Variants in F2 observed in about 807,000 individuals in gnomAD.
F2 encodes the protein prothrombin.
Under a neutral mutation model 81.9 loss-of-function variants are expected in F2, and 34 were observed. The ratio of observed to expected loss-of-function variants is 0.42; its 90% CI spans 0.32 to 0.55. The LOEUF is 0.55. Ranked by LOEUF, F2 falls within the 20% of genes least tolerant of loss-of-function variation. The pLI is 0.18. For synonymous variants in F2, 296 were observed against 326.4 expected, an observed-to-expected ratio of 0.91 and a Z score of 1.01; for missense variants, 630 against 833.4, an observed-to-expected ratio of 0.76 and a Z score of 3.00.
At chr11:46,727,223 T>G (rs968194969) in intron 9 of F2, among the ~76,000 whole-genome samples, 1 of 152,050 alleles carries the variant, frequency 6.6e-6, no homozygotes, top group Admixed American at 6.5e-5. Flanking sequence ...GGTTTCACCA[T>G]GTTGGCCAGG....
Position 46,719,684 on chromosome 11 carries a change from C to T in F2, c.80-18C>T, listed in dbSNP as rs570442167. ...GTTCCTGAGGCCGCTGTCCCATGAC[C>T]CCCCCACCGCCTTACAGTGTTCCTG... On this transcript the variant is annotated intron_variant, in intron 1 of 13. Transcript: ENST00000311907. The surrounding 1 kb of genome is among the most constrained non-coding windows in gnomAD (Gnocchi z 4.7). 23 of 1,579,100 alleles carry T rather than the reference C, an allele frequency of 1.5e-5. No individual in the cohort carries two copies. The highest frequency in any genetic ancestry group is 2.3e-5 in the East Asian group (1 of 43,216).
chr11:46,733,063 C>G (rs960013286), intron 12 of F2, among the ~76,000 whole-genome samples: 1 of 152,124 alleles, frequency 6.6e-6, no homozygotes, highest in African/African-American at 2.4e-5. Context: ...TATAAAAAAC[C>G]ATGAGTTCCT....
intron 6 of F2, among the ~76,000 whole-genome samples, chr11:46,725,270 T>C (rs1375339174): frequency 6.6e-6 from 1 of 151,982 alleles, no homozygotes; most frequent in Non-Finnish European, 1.5e-5. Context: ...GGTTTCTTCA[T>C]GTTGGCCTGG....
chr11:46,720,462 T>C (rs1309059290), intron 2 of F2, 61 bp from the exon 3 acceptor site: 1 of 1,600,314 alleles, frequency 6.2e-7, no homozygotes, highest in Non-Finnish European at 8.6e-7. Context: ...AGACATAACA[T>C]TTACTAAAAC....
Position 46,719,861 on chromosome 11 carries a change from C to T in F2, c.239C>T (p.Thr80Met), listed in dbSNP as rs765847453. 7.0e-6 allele frequency: 11 copies of T among 1,563,336 alleles called. No individual in the cohort carries two copies. Among genetic ancestry groups the T allele is most frequent in the African/African-American group, 6.8e-5 (5 of 73,772 alleles). Residue 80 changes from threonine (T) to methionine (M), a missense_variant and splice_region_variant, in exon 2 of 14, where the codon ACG (threonine) becomes ATG (methionine). Coordinates refer to ENST00000311907, the MANE Select transcript of F2 (RefSeq NM_000506.5). This position sits in a 1 kb window ranked among gnomAD's most constrained non-coding sequence, Gnocchi z 4.7. ...GAGGCTCTGGAGTCCTCCACGGCTA[C>T]GGTGAGCCTGGGCTGCTCGGACGGT... Reference protein sequence around the residue: ...AFEALESSTATDVFWAKYTAC... With the variant: ...AFEALESSTAMDVFWAKYTAC...
In F2 at chr11:46,719,563, C is replaced by T. The variant is rs974089914; in HGVS notation, c.80-139C>T. On this transcript the variant is annotated intron_variant, in intron 1 of 13. Coordinates refer to ENST00000311907, the MANE Select transcript of F2 (RefSeq NM_000506.5). The surrounding 1 kb of genome is among the most constrained non-coding windows in gnomAD (Gnocchi z 4.7). ...GGGCACAGGGGGCCACATTTAGCAG[C>T]CTTCCAGGCACTTCCACCAGCCCAG... is the stretch of plus-strand genomic sequence containing the variant. The T allele has an allele frequency of 1.7e-6, 2 of 1,201,288 alleles. No homozygotes were observed. The highest frequency in any genetic ancestry group is 3.0e-5 in the African/African-American group (2 of 66,528). 74.4% of individuals were successfully genotyped at this position (1,201,288 alleles called of 1,614,324 possible). A position where few individuals can be genotyped will look rare whatever the true frequency, so the allele number is the denominator to read the frequency against.
chr11:46,737,968 C>A (rs1412820986), intron 12 of F2, among the ~76,000 whole-genome samples: 5 of 151,792 alleles, frequency 3.3e-5, no homozygotes, highest in Non-Finnish European at 5.9e-5. Flanking sequence ...TCCCACGTAG[C>A]TAGGATCAGA....
At chr11:46,727,733 G>A (rs757664006) in intron 9 of F2, among the ~76,000 whole-genome samples, 3 of 152,100 alleles carry the variant, frequency 2.0e-5, no homozygotes, top group Non-Finnish European at 4.4e-5. Context: ...AGCTGTGACT[G>A]TACCATTGCA....
intron 9 of F2, among the ~76,000 whole-genome samples, chr11:46,727,516 C>T (rs991988122): frequency 1.3e-5 from 2 of 151,912 alleles, no homozygotes; most frequent in Admixed American, 1.3e-4. Flanking sequence ...AGTGGCTCAC[C>T]CCTGTAATCC....
intron 12 of F2, among the ~76,000 whole-genome samples, chr11:46,730,949 C>T (rs1365269766): frequency 2.0e-5 from 3 of 151,772 alleles, no homozygotes; most frequent in Admixed American, 6.6e-5. Flanking sequence ...GACATAGCTT[C>T]GCTGTCACCC....
At position 46,728,174 on chromosome 11, in the gene F2, G is replaced by C. The variant is rs144587241; in HGVS notation, c.1298+11G>C. ...GCACTCCCGCACCAGGTACAGAACT[G>C]GTGGCCCGTGGGTGTCTGGCAGGGG... On this transcript the variant is annotated intron_variant, in intron 10 of 13. Transcript: ENST00000311907. This position sits in a 1 kb window ranked among gnomAD's most constrained non-coding sequence, Gnocchi z 5.1. 3.6e-3 allele frequency: 5,835 copies of C among 1,603,656 alleles called. 16 individuals carry two copies. Among genetic ancestry groups the C allele is most frequent in the South Asian group, 4.6e-3 (404 of 88,504 alleles).
chr11:46,729,854 A>G (rs926532214), intron 12 of F2, among the ~76,000 whole-genome samples: 2 of 152,084 alleles, frequency 1.3e-5, no homozygotes, highest in African/African-American at 4.8e-5. Context: ...GCAAATATTT[A>G]TTGAGCGCCT....
intron 2 of F2, 163 bp downstream of exon 2, chr11:46,720,025 G>A (rs1405593018): frequency 5.2e-6 from 5 of 966,368 alleles, no homozygotes; most frequent in Non-Finnish European, 7.7e-6. Flanking sequence ...AGCGGCCTCA[G>A]CCTTTCCTGG....
chr11:46,733,352 C>G (rs147998356), intron 12 of F2, among the ~76,000 whole-genome samples: 209 of 152,248 alleles, frequency 1.4e-3, no homozygotes, highest in African/African-American at 4.4e-3. Context: ...TACAGGCACA[C>G]ACCACCATGC....
chr11:46,728,292 T>A lies in F2; in HGVS notation c.1298+129T>A. ...CCCCCAGAATATAACATCCCAGCAG[T>A]CTCTGCTGGAAAGCCCATTTGGTCA... On this transcript the variant is annotated intron_variant, in intron 10 of 13. Transcript: ENST00000311907. This position sits in a 1 kb window ranked among gnomAD's most constrained non-coding sequence, Gnocchi z 5.1. The A allele has an allele frequency of 2.8e-6, 3 of 1,083,146 alleles. No individual in the cohort carries two copies. The highest frequency in any genetic ancestry group is 4.1e-6 in the Non-Finnish European group (3 of 731,200). The allele number at this position is 1,083,146 out of a possible 1,614,324, so 67.1% of individuals were successfully genotyped here.
At chr11:46,730,966 G>C (rs2064907890) in intron 12 of F2, among the ~76,000 whole-genome samples, 1 of 151,712 alleles carries the variant, frequency 6.6e-6, no homozygotes, top group Non-Finnish European at 1.5e-5. Context: ...ACCCAGGCTT[G>C]AGTGCAGTGG....
At position 46,723,895 on chromosome 11, in the gene F2, A is replaced by G. The variant is rs560051612; in HGVS notation, c.559+377A>G. On this transcript the variant is annotated intron_variant, in intron 6 of 13. Coordinates refer to ENST00000311907, the MANE Select transcript of F2 (RefSeq NM_000506.5). This position sits in a 1 kb window ranked among gnomAD's most constrained non-coding sequence, Gnocchi z 5.6. ...ACAAGAGCAAAACTCTGTCTCAAAG[A>G]AAAAAAAAAGATGCTGGCCACCTTC... Among the ~76,000 whole-genome samples, 2 of 130,986 alleles carry G rather than the reference A, an allele frequency of 1.5e-5. No individual in the cohort carries two copies. Among genetic ancestry groups the G allele is most frequent in the East Asian group, 2.0e-4 (1 of 5,122 alleles). 85.9% of individuals were successfully genotyped at this position (130,986 alleles called of 152,430 possible). A position where few individuals can be genotyped will look rare whatever the true frequency, so the allele number is the denominator to read the frequency against.
rs561892477 is a variant in F2, at chr11:46,724,739, G to A, written c.560-1120G>A. Reference sequence around the variant, plus strand: ...TGTTTGTTCTCTAGGCATCCCTGTCGGGCCCATTGCTCATTCCTGGGGTTG... The same window carrying A: ...TGTTTGTTCTCTAGGCATCCCTGTCAGGCCCATTGCTCATTCCTGGGGTTG... On this transcript the variant is annotated intron_variant, in intron 6 of 13. Coordinates refer to ENST00000311907, the MANE Select transcript of F2 (RefSeq NM_000506.5). Among the ~76,000 whole-genome samples, 19 of 151,320 alleles carry A rather than the reference G, an allele frequency of 1.3e-4. No homozygotes were observed. In the East Asian group the frequency reaches 3.5e-3, roughly 28 times the overall value.
In F2 at chr11:46,728,731, C is replaced by T. The variant is rs139552841; in HGVS notation, c.1366C>T (p.Arg456Trp). The T allele has an allele frequency of 3.7e-6, 6 of 1,614,078 alleles. No homozygotes were observed. Among genetic ancestry groups the T allele is most frequent in the African/African-American group, 1.3e-5 (1 of 74,946 alleles). Residue 456 changes from arginine to tryptophan, a missense_variant, in exon 11 of 14, where the codon CGG (arginine) becomes TGG (tryptophan). By Grantham distance (101) the Arg-to-Trp change is moderately radical. Coordinates refer to ENST00000311907, the MANE Select transcript of F2 (RefSeq NM_000506.5). This position sits in a 1 kb window ranked among gnomAD's most constrained non-coding sequence, Gnocchi z 5.1. ...CTACATCCACCCCAGGTACAACTGGCGGGAGAACCTGGACCGGGACATTGC... is the reference window on the plus strand; with the variant it reads ...CTACATCCACCCCAGGTACAACTGGTGGGAGAACCTGGACCGGGACATTGC... ...KIYIHPRYNW[R>W]ENLDRDIALM...
Sources: gnomAD v4.1 joint callset for allele counts (sites outside exome capture counted in the v4.1 genomes callset) on GRCh38, gnomAD v4.1.1 for gene constraint, Gnocchi (gnomAD v3.1) non-coding constraint, MANE v1.5 for transcripts, NCBI Gene and HGNC (gene_info 2026-07-23, HGNC 2026-07-21) for gene names.